Variants in KIF1A observed in about 807,000 individuals in gnomAD.
KIF1A encodes the protein kinesin family member 1A.
In KIF1A, 46 loss-of-function variants were observed where a neutral mutation model predicts 227.3. The ratio of observed to expected loss-of-function variants is 0.20; its 90% CI spans 0.16 to 0.26. The LOEUF (loss-of-function observed/expected upper bound fraction) is 0.26, where lower values mean the gene tolerates loss of function less well. KIF1A is among the 10% of genes least tolerant of loss of function. The probability of loss-of-function intolerance (pLI) is 1.00; values close to 1 mark genes in which losing one functional copy is unlikely to be tolerated. For synonymous variants in KIF1A, 1,022 were observed against 1,012.8 expected (o/e 1.01, Z -0.17); for missense variants, 1,683 against 2,485.9 (o/e 0.68, Z 6.87).
chr2:240,800,566 C>T (rs1482025030), intron 1 of KIF1A, among the ~76,000 whole-genome samples: 2 of 152,164 alleles, frequency 1.3e-5, no homozygotes, highest in African/African-American at 2.4e-5. Flanking sequence ...GACAGAGAGC[C>T]GTTGCTGAGG....
rs923229388 is a variant in KIF1A at position 240,793,610 on chromosome 2, A to G, written c.106+4037T>C. 1.3e-5 allele frequency among the ~76,000 whole-genome samples: 2 copies of G among 152,134 alleles called. No homozygotes were observed. The highest frequency in any genetic ancestry group is 6.5e-5 in the Admixed American group (1 of 15,286). On this transcript the variant is annotated intron_variant, in intron 2 of 48. Coordinates refer to ENST00000498729, the MANE Select transcript of KIF1A (RefSeq NM_001244008.2). The surrounding 1 kb of genome is among the most constrained non-coding windows in gnomAD (Gnocchi z 4.8). ...AACTTCTGCCCCCAGGCCAACCTAC[A>G]CTAGCTCTGCCAGGTCGGACCGAAG...
At position 240,718,865 on chromosome 2, in the gene KIF1A, G is replaced by A. The variant is rs2044899116; in HGVS notation, c.5214+141C>T. ...AGGATCCCTGAGGCTGAGTCCCTGAGCCCAGCCTCCGTGGAACAGGACGGA... is the reference window on the plus strand; with the variant it reads ...AGGATCCCTGAGGCTGAGTCCCTGAACCCAGCCTCCGTGGAACAGGACGGA... On this transcript the variant is annotated intron_variant, in intron 47 of 48. Coordinates refer to ENST00000498729, the MANE Select transcript of KIF1A (RefSeq NM_001244008.2). 8 of 668,150 alleles carry A rather than the reference G, an allele frequency of 1.2e-5. No homozygotes were observed. The South Asian group carries it at 1.4e-4, about 12-fold the overall frequency. 41.4% of individuals were successfully genotyped at this position (668,150 alleles called of 1,614,324 possible). A position where few individuals can be genotyped will look rare whatever the true frequency, so the allele number is the denominator to read the frequency against.
chr2:240,818,155 C>T (rs2106381651), intron 1 of KIF1A, among the ~76,000 whole-genome samples: 1 of 152,292 alleles, frequency 6.6e-6, no homozygotes, highest in African/African-American at 2.4e-5. Context: ...CGGCCCGGGA[C>T]CCCTGCCTTG....
At chr2:240,812,919 G>A (rs111499730) in intron 1 of KIF1A, among the ~76,000 whole-genome samples, 16 of 146,868 alleles carry the variant, frequency 1.1e-4, no homozygotes, top group African/African-American at 1.5e-4. Context: ...TTCACCTCGG[G>A]GATCAGCCTT....
chr2:240,742,158 G>A (rs144790948), intron 34 of KIF1A, among the ~76,000 whole-genome samples: 330 of 152,310 alleles, frequency 2.2e-3, no homozygotes, highest in Non-Finnish European at 3.8e-3. Flanking sequence ...CATCTTACAG[G>A]GGTTCCGAGG....
intron 38 of KIF1A, among the ~76,000 whole-genome samples, chr2:240,734,111 G>T (rs148032603): frequency 6.6e-6 from 1 of 152,244 alleles, no homozygotes; most frequent in Non-Finnish European, 1.5e-5. Context: ...CGGTGGCCAC[G>T]GCCAGAGGAG....
chr2:240,745,505 G>A lies in KIF1A; in HGVS notation c.3387C>T (p.Arg1129=), dbSNP rs973619246. ...GCTCTGTGGAGAAGGCCTCGTCGTG[G>A]CGGTGGATGAAGCTGCAAAGCAGAG... ...DIFCQFNFIH[R]HDEAFSTEPL... Residue 1129 remains arginine (R), a synonymous_variant, in exon 32 of 49, where the codon CGC becomes CGT. Coordinates refer to ENST00000498729, the MANE Select transcript of KIF1A (RefSeq NM_001244008.2). The A allele has an allele frequency of 4.3e-6, 7 of 1,611,590 alleles. No homozygotes were observed. Among genetic ancestry groups the A allele is most frequent in the Non-Finnish European group, 5.9e-6 (7 of 1,178,324 alleles).
intron 10 of KIF1A, among the ~76,000 whole-genome samples, chr2:240,776,889 G>A (rs1485451040): frequency 6.6e-6 from 1 of 152,222 alleles, no homozygotes; most frequent in East Asian, 1.9e-4. Flanking sequence ...GAGACTCCCA[G>A]TCAAAGGGGG....
chr2:240,798,867 A>G (rs2056695363), intron 1 of KIF1A, among the ~76,000 whole-genome samples: 1 of 152,184 alleles, frequency 6.6e-6, no homozygotes, highest in Non-Finnish European at 1.5e-5. Flanking sequence ...GTTTTCGCCA[A>G]TTGCTGTCTA....
intron 1 of KIF1A, among the ~76,000 whole-genome samples, chr2:240,812,166 CCT>C (rs1170663183): frequency 6.6e-6 from 1 of 152,208 alleles, no homozygotes; most frequent in Non-Finnish European, 1.5e-5. Flanking sequence ...GAGGAACTCC[CCT>C]GTTGCTTTGG....
intron 10 of KIF1A, among the ~76,000 whole-genome samples, chr2:240,777,741 G>A (rs930862517): frequency 3.9e-5 from 6 of 152,206 alleles, no homozygotes; most frequent in African/African-American, 1.4e-4. Flanking sequence ...GGCAGCTCCT[G>A]ACAAGCCGGG....
intron 45 of KIF1A, chr2:240,720,161 G>GT: frequency 2.4e-6 from 1 of 418,710 alleles, no homozygotes; most frequent in Non-Finnish European, 4.2e-6. Context: ...AGGAACCTCG[G>GT]GGCCCAGCCA....
intron 28 of KIF1A, 131 bp from the exon 29 acceptor site, chr2:240,747,452 C>G: frequency 1.6e-6 from 1 of 643,998 alleles, no homozygotes; most frequent in East Asian, 2.8e-5. Flanking sequence ...GACCCCTGAC[C>G]GAATCTGCCA....
rs1459086382 is a variant in KIF1A at position 240,736,814 on chromosome 2, C to T, written c.4007+249G>A. ...GCTCATCTTCCAACCCCTGCGCTGG[C>T]CCCTCTGCTTGGTGATAAACAAATG... On this transcript the variant is annotated intron_variant, in intron 38 of 48. Coordinates refer to ENST00000498729, the MANE Select transcript of KIF1A (RefSeq NM_001244008.2). The surrounding 1 kb of genome is among the most constrained non-coding windows in gnomAD (Gnocchi z 4.7). Among the ~76,000 whole-genome samples, 2 of 152,206 alleles carry T rather than the reference C, an allele frequency of 1.3e-5. No individual in the cohort carries two copies. Among genetic ancestry groups the T allele is most frequent in the Non-Finnish European group, 2.9e-5 (2 of 68,050 alleles).
Position 240,718,116 on chromosome 2 carries a change from G to C in KIF1A, c.5267C>G (p.Ala1756Gly). Residue 1756 changes from alanine to glycine, a missense_variant, in exon 48 of 49, where the codon GCC (alanine) becomes GGC (glycine). This residue lies in a region of KIF1A where 384 missense variants were observed against 410.1 expected (regional missense o/e 0.94). Transcript: ENST00000498729. ...CTEHRGILLQ[A>G]ASDKDMHDWL... is the part of the protein sequence containing the mutation. The stretch of plus-strand genomic sequence containing the variant: ...GTCATGCATGTCCTTGTCGCTGGCG[G>C]CCTGCAGCAGGATGCCGCGGTGTTC... The C allele has an allele frequency of 6.2e-7, 1 of 1,611,522 alleles. No individual in the cohort carries two copies. The highest frequency in any genetic ancestry group is 8.5e-7 in the Non-Finnish European group (1 of 1,179,318).
chr2:240,717,514 A>G, intron 48 of KIF1A, 108 bp from the exon 49 acceptor site: 2 of 974,962 alleles, frequency 2.1e-6, no homozygotes, highest in Non-Finnish European at 3.2e-6. Flanking sequence ...CACAGACCCC[A>G]TGTCCCCGCT....
In KIF1A at chr2:240,744,069, C is replaced by T. The variant is rs1359954480; in HGVS notation, c.3466-9G>A. The T allele has an allele frequency of 6.3e-7, 1 of 1,584,402 alleles. No homozygotes were observed. The highest frequency in any genetic ancestry group is 1.7e-5 in the Admixed American group (1 of 59,950). Reference sequence around the variant, plus strand: ...GTCACCTCCACTGCGATCTGGTGGGCAGGCAGGTGGGAGGACAGGAGGGCA... The same window carrying T: ...GTCACCTCCACTGCGATCTGGTGGGTAGGCAGGTGGGAGGACAGGAGGGCA... On this transcript the variant is annotated splice_polypyrimidine_tract_variant and intron_variant, in intron 32 of 48. Transcript: ENST00000498729.
chr2:240,807,118 GTGTGTGTGTGTGTATA>G (rs1202533934), intron 1 of KIF1A, among the ~76,000 whole-genome samples: 7 of 135,640 alleles, frequency 5.2e-5, no homozygotes, highest in East Asian at 2.3e-4. Flanking sequence ...GTGTGTGTGT[GTGTGTGTGTGTGTATA>G]TATATATATA....
At chr2:240,761,477 G>T in intron 23 of KIF1A, 100 bp from the exon 24 acceptor site, 2 of 1,103,104 alleles carry the variant, frequency 1.8e-6, no homozygotes, top group Non-Finnish European at 2.5e-6. Flanking sequence ...ACTCCATGGG[G>T]CTGCCTAAGC....
Sources: gnomAD v4.1 joint callset for allele counts (sites outside exome capture counted in the v4.1 genomes callset) on GRCh38, gnomAD v4.1.1 for gene constraint, gnomAD v4.1.1 regional missense constraint, Gnocchi (gnomAD v3.1) non-coding constraint, MANE v1.5 for transcripts, NCBI Gene and HGNC (gene_info 2026-07-23, HGNC 2026-07-21) for gene names.